The following CACNA2D1 variants were observed in gnomAD, a reference collection of about 807,000 sequenced individuals.
CACNA2D1 encodes calcium voltage-gated channel auxiliary subunit alpha2delta 1, also known as voltage-dependent calcium channel subunit alpha-2/delta-1.
In CACNA2D1, 53 loss-of-function variants were observed where a neutral mutation model predicts 171.5. The observed-to-expected ratio is 0.31, with a 90% CI of 0.25 to 0.39. The LOEUF is 0.39. Among genes scored for constraint, CACNA2D1 ranks in the 10% least tolerant of loss-of-function variants. The pLI is 1.00. For missense variants in CACNA2D1, 903 were observed against 1,299.8 expected, an observed-to-expected ratio of 0.69 and a Z score of 4.69; for synonymous variants, 442 against 443.1, an observed-to-expected ratio of 1.00 and a Z score of 0.03.
chr7:82,184,492 T>G (rs2129174812), intron 3 of CACNA2D1, among the ~76,000 whole-genome samples: 1 of 152,200 alleles, frequency 6.6e-6, no homozygotes, highest in African/African-American at 2.4e-5. Flanking sequence ...ATACTATTAT[T>G]ATTTCTCTTC....
At chr7:82,086,367 C>G (rs1165111598) in intron 6 of CACNA2D1, among the ~76,000 whole-genome samples, 2 of 152,134 alleles carry the variant, frequency 1.3e-5, no homozygotes, top group Non-Finnish European at 2.9e-5. Context: ...TTATTGAAAA[C>G]TAACAAGATT....
intron 1 of CACNA2D1, among the ~76,000 whole-genome samples, chr7:82,376,835 T>C (rs1823068426): frequency 6.6e-6 from 1 of 152,198 alleles, no homozygotes. Flanking sequence ...TTTTAGGCGA[T>C]GGAGGAAAAC....
chr7:82,442,919 C>CG (rs1208214570), intron 1 of CACNA2D1, among the ~76,000 whole-genome samples: 1 of 152,184 alleles, frequency 6.6e-6, no homozygotes, highest in Non-Finnish European at 1.5e-5. Flanking sequence ...AGGCCAAGTG[C>CG]GGGGGAAGTC....
intron 10 of CACNA2D1, among the ~76,000 whole-genome samples, chr7:82,039,731 T>G (rs900552923): frequency 2.0e-5 from 3 of 152,148 alleles, no homozygotes; most frequent in Non-Finnish European, 2.9e-5. Context: ...AGAGAAATGT[T>G]CCAGTGAAGA....
Position 82,066,471 on chromosome 7 carries a change from C to T in CACNA2D1, c.712G>A (p.Val238Ile). The T allele has an allele frequency of 6.2e-7, 1 of 1,605,376 alleles. No individual in the cohort carries two copies. The highest frequency in any genetic ancestry group is 8.5e-7 in the Non-Finnish European group (1 of 1,176,898). Residue 238 changes from valine to isoleucine, a missense_variant, in exon 8 of 39, where the codon GTA becomes ATA. This residue lies in a region of CACNA2D1 where 189 missense variants were observed against 266.8 expected (regional missense o/e 0.71). Coordinates refer to ENST00000356860, the MANE Select transcript of CACNA2D1 (RefSeq NM_000722.4). ...RTPNKIDLYD[V>I]RRRPWYIQGA... ...AATTCTTACCATGGTCTTCTGCGTA[C>T]ATCATAAAGGTCAATCTTATTTGGA...
intron 1 of CACNA2D1, among the ~76,000 whole-genome samples, chr7:82,356,534 T>C (rs1280315812): frequency 2.0e-5 from 3 of 152,214 alleles, no homozygotes; most frequent in East Asian, 3.8e-4. Flanking sequence ...TAGATAAATA[T>C]ACATTTATTC....
intron 10 of CACNA2D1, among the ~76,000 whole-genome samples, chr7:82,041,011 G>T (rs1176944514): frequency 6.8e-6 from 1 of 146,644 alleles, no homozygotes; most frequent in African/African-American, 2.5e-5. Context: ...ACAAAAAAAT[G>T]CCTGGTGAAC....
chr7:82,420,382 A>G (rs1183040990), intron 1 of CACNA2D1, among the ~76,000 whole-genome samples: 1 of 152,228 alleles, frequency 6.6e-6, no homozygotes, highest in Non-Finnish European at 1.5e-5. Flanking sequence ...CCTGGCATCT[A>G]CAAAATGCAA....
intron 3 of CACNA2D1, among the ~76,000 whole-genome samples, chr7:82,288,315 T>A (rs1271142914): frequency 6.6e-6 from 1 of 152,020 alleles, no homozygotes. Flanking sequence ...ATATTATGAA[T>A]AATTTTAATA....
chr7:82,443,286 G>C, intron 1 of CACNA2D1, 79 bp downstream of exon 1: 4 of 1,232,644 alleles, frequency 3.2e-6, no homozygotes, highest in Non-Finnish European at 2.2e-6. Context: ...GAAAAGCCCC[G>C]CGACTCGGGA....
At chr7:82,050,686 A>T in intron 10 of CACNA2D1, 1 of 698,940 alleles carries the variant, frequency 1.4e-6, no homozygotes, top group Non-Finnish European at 2.6e-6. Flanking sequence ...TAAATGTGAA[A>T]GATTCATAAA....
intron 1 of CACNA2D1, among the ~76,000 whole-genome samples, chr7:82,362,428 C>T (rs1021885791): frequency 6.6e-6 from 1 of 152,148 alleles, no homozygotes; most frequent in African/African-American, 2.4e-5. Context: ...TATATTCTCT[C>T]TCAAAATGTT....
chr7:82,367,405 T>C (rs1821861170), intron 1 of CACNA2D1, among the ~76,000 whole-genome samples: 1 of 152,090 alleles, frequency 6.6e-6, no homozygotes, highest in Non-Finnish European at 1.5e-5. Context: ...TCTTGTCTCA[T>C]TCCTTTAAGC....
chr7:82,053,795 T>C (rs557845520), intron 10 of CACNA2D1, among the ~76,000 whole-genome samples: 4 of 152,224 alleles, frequency 2.6e-5, no homozygotes, highest in Non-Finnish European at 5.9e-5. Flanking sequence ...AACTTTTAAC[T>C]TGAGGTACTG....
intron 10 of CACNA2D1, among the ~76,000 whole-genome samples, chr7:82,049,159 C>CCTTGGCGG (rs1804909125): frequency 6.8e-6 from 1 of 147,890 alleles, no homozygotes; most frequent in African/African-American, 2.5e-5. Flanking sequence ...TCCTAAATAA[C>CCTTGGCGG]CTTGGCGGCT....
chr7:82,146,207 G>A (rs73705826), intron 4 of CACNA2D1, among the ~76,000 whole-genome samples: 7,917 of 151,416 alleles, frequency 0.052, 296 homozygotes, highest in Middle Eastern at 0.14. Flanking sequence ...GCCCAGAGCT[G>A]AACTATCATG....
intron 3 of CACNA2D1, among the ~76,000 whole-genome samples, chr7:82,223,266 G>C (rs554518154): frequency 6.6e-6 from 1 of 152,152 alleles, no homozygotes; most frequent in African/African-American, 2.4e-5. Flanking sequence ...TGTTCTAAAA[G>C]AAGTTTTGTA....
chr7:81,963,836 G>A (rs960995615), intron 34 of CACNA2D1, among the ~76,000 whole-genome samples: 6 of 151,888 alleles, frequency 4.0e-5, no homozygotes, highest in East Asian at 3.9e-4. Context: ...GTTTACATCC[G>A]CATAACATTG....
In CACNA2D1 at chr7:82,297,184, G is replaced by A. The variant is rs116478494; in HGVS notation, c.294+37951C>T. ...ATGAATCCCTTGAGCCCAGGAGGCT[G>A]AGGCTGCAGTGAGCAAGGTCGTGCC... is the stretch of plus-strand genomic sequence containing the variant. On this transcript the variant is annotated intron_variant, in intron 3 of 38. Transcript: ENST00000356860. Among the ~76,000 whole-genome samples the A allele has an allele frequency of 3.3e-3, 508 of 151,910 alleles. 4 individuals carry two copies. The highest frequency in any genetic ancestry group is 0.011 in the African/African-American group (472 of 41,384).
Sources: gnomAD v4.1 joint callset for allele counts (sites outside exome capture counted in the v4.1 genomes callset) on GRCh38, gnomAD v4.1.1 for gene constraint, gnomAD v4.1.1 regional missense constraint, MANE v1.5 for transcripts, NCBI Gene and HGNC (gene_info 2026-07-23, HGNC 2026-07-21) for gene names.